ADGRV1: variants seen among roughly 807,000 people sequenced by gnomAD.
The protein encoded by ADGRV1 is adhesion G protein-coupled receptor V1.
In ADGRV1, 359 loss-of-function variants were observed where a neutral mutation model predicts 596.2. That is an observed-to-expected ratio of 0.60 (90% CI 0.55 to 0.66). ADGRV1 has a LOEUF of 0.66. ADGRV1 is among the 30% of genes least tolerant of loss of function. The probability of loss-of-function intolerance (pLI) is 0.00; values close to 1 mark genes in which losing one functional copy is unlikely to be tolerated. For synonymous variants in ADGRV1, 2,681 were observed against 2,679.2 expected, an observed-to-expected ratio of 1.00 and a Z score of -0.02; for missense variants, 7,274 against 7,575.6, an observed-to-expected ratio of 0.96 and a Z score of 1.48.
intron 50 of ADGRV1, among the ~76,000 whole-genome samples, chr5:90,743,602 G>T (rs1188534228): frequency 1.3e-5 from 2 of 151,266 alleles, no homozygotes; most frequent in Non-Finnish European, 2.9e-5. Flanking sequence ...CTCCCAAGTA[G>T]CTGGGACTAC....
At chr5:90,816,490 C>T (rs1762905615) in intron 75 of ADGRV1, among the ~76,000 whole-genome samples, 1 of 151,060 alleles carries the variant, frequency 6.6e-6, no homozygotes, top group Non-Finnish European at 1.5e-5. Flanking sequence ...ACACATGTGC[C>T]ATGTTGGTGT....
rs780421513 is a variant in ADGRV1 at position 90,644,690 on chromosome 5, T to C, written c.2735-16T>C. On this transcript the variant is annotated splice_polypyrimidine_tract_variant and intron_variant, in intron 14 of 89. Transcript: ENST00000405460. ...CGTATGTCTTCATATGTATTATGTA[T>C]GTTTCCATTTCACAGCTGTTTATGA... 15 of 1,594,554 alleles carry C rather than the reference T, an allele frequency of 9.4e-6. No individual in the cohort carries two copies. The highest frequency in any genetic ancestry group is 7.1e-5 in the Admixed American group (4 of 56,358).
At chr5:90,800,924 G>T (rs565432045) in intron 70 of ADGRV1, among the ~76,000 whole-genome samples, 51 of 152,218 alleles carry the variant, frequency 3.4e-4, no homozygotes, top group African/African-American at 1.2e-3. Context: ...GGCCTGTCGG[G>T]GTGGGCACTA....
intron 1 of ADGRV1, among the ~76,000 whole-genome samples, chr5:90,582,584 A>C (rs1190844409): frequency 1.3e-5 from 2 of 152,092 alleles, no homozygotes; most frequent in Non-Finnish European, 2.9e-5. Flanking sequence ...TTTTTTTTAG[A>C]GATGGGATCT....
intron 86 of ADGRV1, among the ~76,000 whole-genome samples, chr5:91,101,509 T>C (rs1791372045): frequency 6.6e-6 from 1 of 152,186 alleles, no homozygotes; most frequent in African/African-American, 2.4e-5. Context: ...ACTTAAATAT[T>C]AAGATCGCCT....
At position 90,694,142 on chromosome 5, in the gene ADGRV1, G is replaced by A. The variant is rs778432904; in HGVS notation, c.7386G>A (p.Gln2462=). 5.6e-6 allele frequency: 9 copies of A among 1,613,692 alleles called. No individual in the cohort carries two copies. In the Admixed American group the frequency reaches 8.3e-5, roughly 15 times the overall value. The stretch of plus-strand genomic sequence containing the variant: ...TTTTCAGTGCTTCTGAGGGTCCCCA[G>A]TGTTTCTGGATGACATCATGGATCA... ...FSFFSASEGP[Q]CFWMTSWISP... The change falls in exon 33 of 90, where the codon CAG becomes CAA. Residue 2462 remains glutamine, a synonymous_variant. Transcript: ENST00000405460.
At chr5:90,702,218 C>A (rs570386664) in intron 34 of ADGRV1, among the ~76,000 whole-genome samples, 5 of 151,792 alleles carry the variant, frequency 3.3e-5, no homozygotes, top group Admixed American at 6.6e-5. Flanking sequence ...TTTACAAATA[C>A]AAAATTTTTA....
chr5:90,844,425 G>A (rs1765685093), intron 78 of ADGRV1, among the ~76,000 whole-genome samples: 1 of 152,122 alleles, frequency 6.6e-6, no homozygotes, highest in African/African-American at 2.4e-5. Context: ...CTAAAAAAGA[G>A]CATCAGCTTT....
chr5:91,051,537 A>ATTTTT (rs1192844206), intron 85 of ADGRV1, among the ~76,000 whole-genome samples: 1 of 102,484 alleles, frequency 9.8e-6, no homozygotes, highest in Non-Finnish European at 1.8e-5. Flanking sequence ...TTGACTTAGG[A>ATTTTT]TTTTTTTTTT....
chr5:90,979,670 T>TGCA (rs1222869558), intron 84 of ADGRV1, among the ~76,000 whole-genome samples: 1 of 152,212 alleles, frequency 6.6e-6, no homozygotes, highest in Non-Finnish European at 1.5e-5. Context: ...AAACATAGTC[T>TGCA]GCATACATCC....
Position 90,968,680 on chromosome 5 carries a change from C to A in ADGRV1, c.17973+3149C>A, listed in dbSNP as rs141835241. On this transcript the variant is annotated intron_variant, in intron 84 of 89. Coordinates refer to ENST00000405460, the MANE Select transcript of ADGRV1 (RefSeq NM_032119.4). ...GTTGCACTTCACCAACCTACATATT[C>A]CCATTTATAAAACAGTGACTGCTGA... Among the ~76,000 whole-genome samples the A allele has an allele frequency of 2.8e-3, 431 of 152,046 alleles. 1 individual carries two copies. The highest frequency in any genetic ancestry group is 0.01 in the African/African-American group (417 of 41,464).
chr5:90,595,208 G>A, intron 1 of ADGRV1, among the ~76,000 whole-genome samples: 1 of 56,704 alleles, frequency 1.8e-5, no homozygotes, highest in East Asian at 5.3e-4. Flanking sequence ...GGCCGGGCGG[G>A]GGGCTGACCC....
intron 83 of ADGRV1, among the ~76,000 whole-genome samples, chr5:90,940,008 C>G (rs1318189527): frequency 6.6e-6 from 1 of 152,186 alleles, no homozygotes; most frequent in East Asian, 1.9e-4. Context: ...TCAGAAATAA[C>G]GTGTTTTCTC....
At chr5:90,837,303 C>T (rs115214917) in intron 77 of ADGRV1, among the ~76,000 whole-genome samples, 5,871 of 152,036 alleles carry the variant, frequency 0.039, 400 homozygotes, top group African/African-American at 0.13. Context: ...CAAGAAAGAC[C>T]ATGTGTTTTC....
chr5:90,614,325 C>A (rs1034757752), intron 1 of ADGRV1: 10 of 294,852 alleles, frequency 3.4e-5, no homozygotes, highest in Non-Finnish European at 5.3e-5. Flanking sequence ...ATTAGAATTT[C>A]TTTGCAATAA....
chr5:91,148,778 C>T (rs1795769075), intron 87 of ADGRV1, among the ~76,000 whole-genome samples: 1 of 152,050 alleles, frequency 6.6e-6, no homozygotes, highest in Admixed American at 6.5e-5. Context: ...CACTCAAAGC[C>T]AGCTTGTGAA....
Position 90,558,804 on chromosome 5 carries a change from A to G in ADGRV1, c.-92A>G, listed in dbSNP as rs1379013322. The G allele has an allele frequency of 3.1e-6, 4 of 1,290,226 alleles. No homozygotes were observed. The highest frequency in any genetic ancestry group is 4.4e-6 in the Non-Finnish European group (4 of 909,028). The allele number at this position is 1,290,226 out of a possible 1,614,324, so 79.9% of individuals were successfully genotyped here. On this transcript the variant is annotated 5_prime_UTR_variant, in exon 1 of 90. Transcript: ENST00000405460. ...TCCTCCTGATCCTGTAGTGGTAGTA[A>G]GAATCAGCAGCGCGGGCAAGGAGTA... is the stretch of plus-strand genomic sequence containing the variant.
chr5:90,789,707 A>T lies in ADGRV1; in HGVS notation c.13899A>T (p.Gln4633His). The change falls in exon 69 of 90, where the codon CAA becomes CAT. Residue 4633 changes from glutamine (Q) to histidine (H), a missense_variant. Physicochemically the swap from Gln to His is conservative, Grantham distance 24 (BLOSUM62 0). Around this residue, in one of 5 missense-constraint regions of ADGRV1, gnomAD observed 3,643 missense variants for 3,809.2 expected, o/e 0.96. Transcript: ENST00000405460. ...SRAKDVTLTI[Q>H]EFGDPNGVVQ... ...CTGTTGTTTATATTTTTTAGATACA[A>T]GAGTTTGGTGACCCAAATGGAGTTG... is the stretch of plus-strand genomic sequence containing the variant. The T allele has an allele frequency of 6.5e-7, 1 of 1,544,478 alleles. No homozygotes were observed. Among genetic ancestry groups the T allele is most frequent in the South Asian group, 1.2e-5 (1 of 82,930 alleles).
chr5:90,599,048 T>C (rs1020333670), intron 1 of ADGRV1, among the ~76,000 whole-genome samples: 2 of 152,130 alleles, frequency 1.3e-5, no homozygotes, highest in African/African-American at 4.8e-5. Context: ...AATTTTGGAA[T>C]ATGTGTAGGT....
Sources: allele counts gnomAD v4.1 joint callset (sites outside exome capture counted in the v4.1 genomes callset), GRCh38; gene constraint gnomAD v4.1.1; regional missense constraint gnomAD v4.1.1; transcripts MANE v1.5; gene names NCBI Gene and HGNC (gene_info 2026-07-23, HGNC 2026-07-21).